Variants in FNIP2 observed in about 807,000 individuals in gnomAD.
The protein encoded by FNIP2 is folliculin interacting protein 2.
A neutral mutation model predicts 108.7 loss-of-function variants in FNIP2; 32 were observed. That is an observed-to-expected ratio of 0.29 (90% confidence interval 0.22 to 0.40). The LOEUF (loss-of-function observed/expected upper bound fraction) is 0.40, where lower values mean the gene tolerates loss of function less well. Ranked by LOEUF, FNIP2 falls within the 10% of genes least tolerant of loss-of-function variation. The pLI, the probability that FNIP2 is intolerant of heterozygous loss-of-function variation, is 1.00. For missense variants in FNIP2, 1,202 were observed against 1,381.6 expected, an observed-to-expected ratio of 0.87 and a Z score of 2.06; for synonymous variants, 480 against 496.7, an observed-to-expected ratio of 0.97 and a Z score of 0.45.
chr4:158,787,442 C>T (rs1483354281), intron 1 of FNIP2, among the ~76,000 whole-genome samples: 1 of 152,170 alleles, frequency 6.6e-6, no homozygotes, highest in Non-Finnish European at 1.5e-5. Context: ...TTGATATTTA[C>T]ATGAGTTTTA....
intron 7 of FNIP2, among the ~76,000 whole-genome samples, chr4:158,841,815 C>A (rs1203586092): frequency 2.0e-5 from 3 of 152,262 alleles, no homozygotes; most frequent in Non-Finnish European, 4.4e-5. Flanking sequence ...CTAGAACTGA[C>A]TCCCCAGCAA....
At chr4:158,803,697 A>G (rs1391797298) in intron 1 of FNIP2, among the ~76,000 whole-genome samples, 1 of 152,218 alleles carries the variant, frequency 6.6e-6, no homozygotes, top group Non-Finnish European at 1.5e-5. Flanking sequence ...GTAACAGAGG[A>G]AATGGCATTT....
rs765939971 is a variant in FNIP2 at position 158,895,787 on chromosome 4, A to T, written c.3188A>T (p.Tyr1063Phe). The change falls in exon 16 of 17, where the codon TAC becomes TTC. Residue 1063 changes from tyrosine (Y) to phenylalanine (F), a missense_variant. Transcript: ENST00000264433. ...CTTGAAGATAGACTACAGGAGATGT[A>T]CCTTAAAAGTAAAATGCTATCTGAA... is the stretch of plus-strand genomic sequence containing the variant. The part of the protein sequence containing the change: ...MHLEDRLQEM[Y>F]LKSKMLSEYL... 6.2e-7 allele frequency: 1 copy of T among 1,613,114 alleles called. No homozygotes were observed. Among genetic ancestry groups the T allele is most frequent in the South Asian group, 1.1e-5 (1 of 90,854 alleles).
Position 158,769,241 on chromosome 4 carries a change from TC to T in FNIP2, c.30del (p.Phe10LeufsTer35). On this transcript the variant is annotated frameshift_variant, in exon 1 of 17. Transcript: ENST00000264433. LOFTEE classifies it high-confidence loss of function. ...GCCCCGACCCTGCTCCAGAAGCTCT[TC>T]AACAAAAGGGGCAGCAGCGGCAGCT... MAPTLLQKL[F>X]NKRGSSGSSA... 1 of 1,530,740 alleles carries T rather than the reference TC, an allele frequency of 6.5e-7. No homozygotes were observed. The highest frequency in any genetic ancestry group is 8.7e-7 in the Non-Finnish European group (1 of 1,142,980). The allele number at this position is 1,530,740 out of a possible 1,614,324, so 94.8% of individuals were successfully genotyped here.
At chr4:158,892,167 G>C (rs1484766701) in intron 15 of FNIP2, among the ~76,000 whole-genome samples, 4 of 114,722 alleles carry the variant, frequency 3.5e-5, no homozygotes, top group Admixed American at 1.1e-4. Flanking sequence ...TTTTTTGACA[G>C]AGTCTCACTC....
chr4:158,835,655 G>A, intron 7 of FNIP2, 179 bp downstream of exon 7: 2 of 445,944 alleles, frequency 4.5e-6, no homozygotes, highest in Non-Finnish European at 8.2e-6. Flanking sequence ...ATGAGTGATT[G>A]TGCAACATAA....
chr4:158,856,105 G>T (rs974150678), intron 8 of FNIP2, among the ~76,000 whole-genome samples: 1 of 152,136 alleles, frequency 6.6e-6, no homozygotes, highest in Non-Finnish European at 1.5e-5. Context: ...AATGGGGCTT[G>T]GGCATCTAAC....
At position 158,906,240 on chromosome 4, in the gene FNIP2, C is replaced by T. The variant is rs1214175176; in HGVS notation, c.*1696C>T. On this transcript the variant is annotated 3_prime_UTR_variant, in exon 17 of 17. Coordinates refer to ENST00000264433, the MANE Select transcript of FNIP2 (RefSeq NM_020840.3). ...GTTACAGAGAGAGAAGGAACCTCAC[C>T]TGTGGCTCAGCTCACCCCACATCCG... 2 of 152,160 alleles carry T rather than the reference C, an allele frequency of 1.3e-5. No individual in the cohort carries two copies. Among genetic ancestry groups the T allele is most frequent in the Non-Finnish European group, 2.9e-5 (2 of 68,040 alleles). The allele number at this position is 152,160 out of a possible 1,614,324, so 9.4% of individuals were successfully genotyped here.
In FNIP2 at chr4:158,870,395, C is replaced by A. The variant is rs2126709465; in HGVS notation, c.2875C>A (p.Leu959Ile). 1 of 1,614,058 alleles carries A rather than the reference C, an allele frequency of 6.2e-7. No individual in the cohort carries two copies. Among genetic ancestry groups the A allele is most frequent in the East Asian group, 2.2e-5 (1 of 44,884 alleles). ...CTACTGCCCCACATACATGCCTGAT[C>A]TTGTGCTTCATGGGACCGGCAGTGA... ...AGYCPTYMPD[L>I]VLHGTGSDEK... The change falls in exon 14 of 17, where the codon CTT becomes ATT. Residue 959 changes from leucine (L) to isoleucine (I), a missense_variant. By Grantham distance (5) the Leu-to-Ile change is conservative (BLOSUM62 2). This residue lies in a region of FNIP2 where 2 missense variants were observed against 17.3 expected (regional missense o/e 0.12). Transcript: ENST00000264433.
chr4:158,859,163 AAAG>A lies in FNIP2; in HGVS notation c.971_973del (p.Glu324del). The A allele has an allele frequency of 6.2e-7, 1 of 1,614,006 alleles. No homozygotes were observed. The highest frequency in any genetic ancestry group is 8.5e-7 in the Non-Finnish European group (1 of 1,179,872). ...AAGCATCATCTTTTCCCTATGTGAG[AAAG>A]AAGAAGCACAAAGGAATTTCCAGGA... On this transcript the variant is annotated inframe_deletion, in exon 9 of 17. Transcript: ENST00000264433.
chr4:158,875,961 T>C (rs1261773400), intron 14 of FNIP2, among the ~76,000 whole-genome samples: 1 of 152,238 alleles, frequency 6.6e-6, no homozygotes, highest in Non-Finnish European at 1.5e-5. Context: ...TCTTATTGAT[T>C]AGTGAAACCT....
intron 1 of FNIP2, among the ~76,000 whole-genome samples, chr4:158,788,211 G>A (rs1363893161): frequency 3.9e-5 from 6 of 152,212 alleles, no homozygotes; most frequent in East Asian, 1.9e-4. Flanking sequence ...CGCGTAGTAA[G>A]TACTCTGATT....
chr4:158,879,768 A>G (rs1315845853), intron 14 of FNIP2, among the ~76,000 whole-genome samples: 1 of 150,476 alleles, frequency 6.6e-6, no homozygotes, highest in Non-Finnish European at 1.5e-5. Flanking sequence ...CAACCCCATC[A>G]AAAAGTGGGC....
intron 8 of FNIP2, among the ~76,000 whole-genome samples, chr4:158,856,084 A>G (rs1259379717): frequency 6.6e-6 from 1 of 152,146 alleles, no homozygotes; most frequent in Non-Finnish European, 1.5e-5. Flanking sequence ...GGCTTTGATT[A>G]CTGGATGGGG....
intron 1 of FNIP2, among the ~76,000 whole-genome samples, chr4:158,803,804 C>T (rs1776843419): frequency 6.6e-6 from 1 of 152,128 alleles, no homozygotes; most frequent in South Asian, 2.1e-4. Flanking sequence ...TCTATGGGAG[C>T]TTTTGCTATA....
intron 13 of FNIP2, among the ~76,000 whole-genome samples, chr4:158,869,852 T>A (rs888261449): frequency 1.3e-5 from 2 of 152,194 alleles, no homozygotes; most frequent in Admixed American, 6.5e-5. Context: ...CAGCGTGAGG[T>A]GGTTGGGAAA....
chr4:158,880,618 T>C (rs1184420804), intron 14 of FNIP2, among the ~76,000 whole-genome samples: 1 of 152,212 alleles, frequency 6.6e-6, no homozygotes, highest in Non-Finnish European at 1.5e-5. Flanking sequence ...TAGCTGACTT[T>C]ATATATTGGA....
chr4:158,876,588 C>A (rs1210332326), intron 14 of FNIP2, among the ~76,000 whole-genome samples: 1 of 152,342 alleles, frequency 6.6e-6, no homozygotes, highest in East Asian at 1.9e-4. Context: ...TCATTCCAGG[C>A]CCCATATCCC....
intron 1 of FNIP2, among the ~76,000 whole-genome samples, chr4:158,814,342 T>G (rs1451382440): frequency 6.6e-6 from 1 of 152,270 alleles, no homozygotes; most frequent in Non-Finnish European, 1.5e-5. Flanking sequence ...GTCTCCTAAC[T>G]TCCGTGTAAA....
Sources: gnomAD v4.1 joint callset for allele counts (sites outside exome capture counted in the v4.1 genomes callset) on GRCh38, gnomAD v4.1.1 for gene constraint, gnomAD v4.1.1 regional missense constraint, MANE v1.5 for transcripts, NCBI Gene and HGNC (gene_info 2026-07-23, HGNC 2026-07-21) for gene names.